NCK1: variants seen among roughly 807,000 people sequenced by gnomAD.
NCK1 encodes the protein NCK adaptor protein 1.
NCK1 carries 19 observed loss-of-function variants against 36.6 expected under a neutral mutation model. That is an observed-to-expected ratio of 0.52 (90% CI 0.36 to 0.76). The LOEUF is 0.76. NCK1 is among the 30% of genes least tolerant of loss of function. The probability of loss-of-function intolerance (pLI) is 0.00; values close to 1 mark genes in which losing one functional copy is unlikely to be tolerated. For missense variants in NCK1, 358 were observed against 445.6 expected (o/e 0.80, Z 1.77); for synonymous variants, 165 against 156.0 (o/e 1.06, Z -0.43).
intron 1 of NCK1, among the ~76,000 whole-genome samples, chr3:136,862,868 A>T (rs963749514): frequency 7.0e-5 from 3 of 42,982 alleles, no homozygotes; most frequent in Non-Finnish European, 1.4e-4. Flanking sequence ...CCCTCCCCCC[A>T]CCCACCGGCC....
chr3:136,905,640 CCT>C (rs1939664356), intron 1 of NCK1, among the ~76,000 whole-genome samples: 1 of 151,814 alleles, frequency 6.6e-6, no homozygotes, highest in Non-Finnish European at 1.5e-5. Flanking sequence ...TTTTTTCCCC[CCT>C]GAGACAGGGT....
At chr3:136,898,240 A>G (rs1195922279) in intron 1 of NCK1, among the ~76,000 whole-genome samples, 1 of 152,094 alleles carries the variant, frequency 6.6e-6, no homozygotes, top group Non-Finnish European at 1.5e-5. Context: ...TACTAAAAAT[A>G]CAAAAACTAG....
At chr3:136,905,665 C>T (rs1288723207) in intron 1 of NCK1, among the ~76,000 whole-genome samples, 1 of 152,140 alleles carries the variant, frequency 6.6e-6, no homozygotes, top group Non-Finnish European at 1.5e-5. Flanking sequence ...CACTCTGTTG[C>T]CCAGGCTGGA....
chr3:136,878,890 A>G (rs1250905156), intron 1 of NCK1, among the ~76,000 whole-genome samples: 2 of 152,164 alleles, frequency 1.3e-5, no homozygotes, highest in Non-Finnish European at 2.9e-5. Flanking sequence ...AATGCTCAAT[A>G]TTGAGACCGT....
chr3:136,874,257 C>A (rs1344434096), intron 1 of NCK1, among the ~76,000 whole-genome samples: 1 of 152,164 alleles, frequency 6.6e-6, no homozygotes, highest in Non-Finnish European at 1.5e-5. Flanking sequence ...CTCACTGCAA[C>A]TTCTGCCTCC....
chr3:136,867,515 G>A (rs1938486272), intron 1 of NCK1: 1 of 146,678 alleles, frequency 6.8e-6, no homozygotes, highest in Non-Finnish European at 1.5e-5. Context: ...CAACGTGCTG[G>A]GATTATAGGG....
intron 1 of NCK1, among the ~76,000 whole-genome samples, chr3:136,901,765 T>G (rs1306031523): frequency 1.3e-5 from 2 of 152,212 alleles, no homozygotes; most frequent in African/African-American, 4.8e-5. Context: ...GGGTCCTCTC[T>G]TTTTATGTTG....
At chr3:136,915,578 G>C (rs1337815028) in intron 1 of NCK1, among the ~76,000 whole-genome samples, 2 of 152,116 alleles carry the variant, frequency 1.3e-5, no homozygotes, top group African/African-American at 4.8e-5. Context: ...GTATTAGTCT[G>C]CTCTCACGTT....
At chr3:136,886,244 T>C (rs961067699) in intron 1 of NCK1, among the ~76,000 whole-genome samples, 1 of 152,100 alleles carries the variant, frequency 6.6e-6, no homozygotes, top group Non-Finnish European at 1.5e-5. Context: ...TATATAGTTA[T>C]CCTTTTTTTT....
chr3:136,934,056 G>A (rs1201500798), intron 2 of NCK1, among the ~76,000 whole-genome samples: 4 of 152,104 alleles, frequency 2.6e-5, no homozygotes, highest in Non-Finnish European at 5.9e-5. Flanking sequence ...TAGAAGGTAG[G>A]AAAATAGTAA....
At chr3:136,904,203 A>T (rs1036203310) in intron 1 of NCK1, among the ~76,000 whole-genome samples, 1 of 152,086 alleles carries the variant, frequency 6.6e-6, no homozygotes, top group Admixed American at 6.5e-5. Flanking sequence ...CCTAGGCTGG[A>T]GTGCAGTGGT....
chr3:136,887,864 G>T (rs919300772), intron 1 of NCK1, among the ~76,000 whole-genome samples: 1 of 152,046 alleles, frequency 6.6e-6, no homozygotes, highest in African/African-American at 2.4e-5. Context: ...GACAGAGCAA[G>T]AATTCAAACT....
chr3:136,927,121 G>A (rs765526015), intron 1 of NCK1, among the ~76,000 whole-genome samples: 2 of 151,830 alleles, frequency 1.3e-5, no homozygotes, highest in African/African-American at 4.8e-5. Context: ...CCAAGTGTGC[G>A]CCACCATACC....
chr3:136,911,425 T>G (rs991580035), intron 1 of NCK1, among the ~76,000 whole-genome samples: 8 of 152,250 alleles, frequency 5.3e-5, no homozygotes, highest in African/African-American at 9.6e-5. Context: ...CTTTTTATTG[T>G]TCTTTTTGAT....
chr3:136,867,747 A>G (rs1938491911), intron 1 of NCK1, among the ~76,000 whole-genome samples: 1 of 152,164 alleles, frequency 6.6e-6, no homozygotes, highest in Non-Finnish European at 1.5e-5. Flanking sequence ...GGGCAGAACA[A>G]AGACTCAACC....
At chr3:136,927,900 G>T in intron 1 of NCK1, 84 bp from the exon 2 acceptor site, 1 of 976,672 alleles carries the variant, frequency 1.0e-6, no homozygotes. Flanking sequence ...TATGTCTTTA[G>T]ATTTTTAGGT....
intron 2 of NCK1, among the ~76,000 whole-genome samples, chr3:136,936,255 G>C (rs1023125133): frequency 2.6e-5 from 4 of 152,044 alleles, no homozygotes; most frequent in Non-Finnish European, 4.4e-5. Flanking sequence ...TGGCCAGGCT[G>C]GTCACGAACT....
Position 136,937,894 on chromosome 3 carries a change from C to T in NCK1, c.227-7689C>T, listed in dbSNP as rs577844155. Among the ~76,000 whole-genome samples the T allele has an allele frequency of 2.6e-4, 39 of 152,006 alleles. No homozygotes were observed. In the South Asian group the frequency reaches 5.6e-3, roughly 22 times the overall value. On this transcript the variant is annotated intron_variant, in intron 2 of 3. Transcript: ENST00000481752. The stretch of plus-strand genomic sequence containing the variant: ...ATCATGTCATCTGTGGATACTTTTT[C>T]CCCTCCCTAATTGCTTTGACTAGCA...
chr3:136,887,870 A>T (rs1375196982), intron 1 of NCK1, among the ~76,000 whole-genome samples: 1 of 152,188 alleles, frequency 6.6e-6, no homozygotes, highest in Non-Finnish European at 1.5e-5. Flanking sequence ...GCAAGAATTC[A>T]AACTGTAATG....
Sources: allele counts gnomAD v4.1 joint callset (sites outside exome capture counted in the v4.1 genomes callset), GRCh38; gene constraint gnomAD v4.1.1; transcripts MANE v1.5; gene names NCBI Gene and HGNC (gene_info 2026-07-23, HGNC 2026-07-21).